Variants in SPTY2D1 observed in about 807,000 individuals in gnomAD.
SPTY2D1 encodes SPT2 chromatin protein domain containing 1.
Under a neutral mutation model 64.0 loss-of-function variants are expected in SPTY2D1, and 21 were observed. The ratio of observed to expected loss-of-function variants is 0.33; its 90% CI spans 0.23 to 0.47. The LOEUF is 0.47. SPTY2D1 is among the 20% of genes least tolerant of loss of function. The pLI, the probability that SPTY2D1 is intolerant of heterozygous loss-of-function variation, is 1.00. For synonymous variants in SPTY2D1, 287 were observed against 286.8 expected, an observed-to-expected ratio of 1.00 and a Z score of -0.01; for missense variants, 724 against 837.2, an observed-to-expected ratio of 0.86 and a Z score of 1.67.
intron 1 of SPTY2D1, among the ~76,000 whole-genome samples, chr11:18,617,392 G>GGAGGCA (rs200850936): frequency 0.014 from 2,104 of 152,054 alleles, 36 homozygotes; most frequent in African/African-American, 0.047. Flanking sequence ...TTTGGGAGGC[G>GGAGGCA]GAGGCGGGCG....
At chr11:18,627,606 C>T (rs1184266411) in intron 1 of SPTY2D1, among the ~76,000 whole-genome samples, 2 of 151,670 alleles carry the variant, frequency 1.3e-5, no homozygotes, top group Non-Finnish European at 2.9e-5. Context: ...TAGCCAGGCA[C>T]GGTGGCTCAC....
rs747593791 is a variant in SPTY2D1 at position 18,622,086 on chromosome 11, C to CAAAA, written c.61-5101_61-5098dup. On this transcript the variant is annotated intron_variant, in intron 1 of 5. Transcript: ENST00000336349. ...TGAACAACAGAGTAAGACCCTATCTCAAAAAAAAAAAAAAAAAACCAAAAC... is the reference window on the plus strand; with the variant it reads ...TGAACAACAGAGTAAGACCCTATCTCAAAAAAAAAAAAAAAAAAAAAACCAAAAC... Among the ~76,000 whole-genome samples the CAAAA allele has an allele frequency of 1.0e-3, 12 of 11,834 alleles. 2 individuals are homozygous for CAAAA. The highest frequency in any genetic ancestry group is 9.1e-3 in the East Asian group (2 of 220). The allele number at this position is 11,834 out of a possible 152,430, so 7.8% of individuals were successfully genotyped here.
intron 2 of SPTY2D1, among the ~76,000 whole-genome samples, chr11:18,616,465 G>A (rs1854301177): frequency 6.6e-6 from 1 of 152,110 alleles, no homozygotes; most frequent in Non-Finnish European, 1.5e-5. Flanking sequence ...AGAACTATTC[G>A]AAATAAAGAC....
At chr11:18,632,875 CT>C (rs1349780698) in intron 1 of SPTY2D1, among the ~76,000 whole-genome samples, 2 of 152,124 alleles carry the variant, frequency 1.3e-5, no homozygotes, top group Non-Finnish European at 2.9e-5. Context: ...TTGACCTTTA[CT>C]GAAATTCAAT....
intron 1 of SPTY2D1, among the ~76,000 whole-genome samples, chr11:18,622,029 G>A (rs1488456040): frequency 7.8e-6 from 1 of 127,460 alleles, no homozygotes; most frequent in Non-Finnish European, 1.6e-5. Flanking sequence ...CGAGGCTGCA[G>A]TGAGCCATGG....
chr11:18,628,564 C>T (rs901586624), intron 1 of SPTY2D1, among the ~76,000 whole-genome samples: 7 of 152,122 alleles, frequency 4.6e-5, no homozygotes, highest in Non-Finnish European at 7.4e-5. Context: ...AACTATCTGG[C>T]ACATAAGAGA....
intron 1 of SPTY2D1, among the ~76,000 whole-genome samples, chr11:18,619,009 T>G (rs559805369): frequency 1.3e-5 from 2 of 152,306 alleles, no homozygotes; most frequent in East Asian, 3.9e-4. Flanking sequence ...GTAAATTTAA[T>G]TTTAGACTCT....
At position 18,607,630 on chromosome 11, in the gene SPTY2D1, TAA is replaced by T. The variant is rs1360463753; in HGVS notation, c.*2229_*2230del. 1 of 152,516 alleles carries T rather than the reference TAA, an allele frequency of 6.6e-6. No homozygotes were observed. The highest frequency in any genetic ancestry group is 2.4e-5 in the African/African-American group (1 of 41,430). The allele number at this position is 152,516 out of a possible 1,614,324, so 9.4% of individuals were successfully genotyped here. On this transcript the variant is annotated 3_prime_UTR_variant, in exon 6 of 6. Coordinates refer to ENST00000336349, the MANE Select transcript of SPTY2D1 (RefSeq NM_194285.3). The stretch of plus-strand genomic sequence containing the variant: ...TCTTCAAAGGTTTGTGAGCTTTTTA[TAA>T]GAGTGGTCAGGAAGTGCAGAAAAAC...
At position 18,622,090 on chromosome 11, in the gene SPTY2D1, A is replaced by AG. The variant is rs1219554825; in HGVS notation, c.61-5102_61-5101insC. 3.4e-5 allele frequency among the ~76,000 whole-genome samples: 5 copies of AG among 146,050 alleles called. 1 individual carries two copies. Among genetic ancestry groups the AG allele is most frequent in the Non-Finnish European group, 7.5e-5 (5 of 66,522 alleles). ...CAACAGAGTAAGACCCTATCTCAAA[A>AG]AAAAAAAAAAAAAACCAAAACCAAA... On this transcript the variant is annotated intron_variant, in intron 1 of 5. Transcript: ENST00000336349.
intron 1 of SPTY2D1, among the ~76,000 whole-genome samples, chr11:18,631,602 CAAAAA>C (rs10617150): frequency 2.6e-5 from 3 of 116,328 alleles, no homozygotes; most frequent in South Asian, 2.7e-4. Flanking sequence ...AAATAGATAA[CAAAAA>C]AAAAAAAAAA....
In SPTY2D1 at chr11:18,615,007, T is replaced by C. The variant is rs367661545; in HGVS notation, c.1267A>G (p.Asn423Asp). Residue 423 changes from asparagine to aspartate, a missense_variant, in exon 3 of 6, where the codon AAT becomes GAT. By Grantham distance (23) the Asn-to-Asp change is conservative (BLOSUM62 1). Around this residue, in one of 3 missense-constraint regions of SPTY2D1, gnomAD observed 426 missense variants for 431.8 expected, o/e 0.99. Coordinates refer to ENST00000336349, the MANE Select transcript of SPTY2D1 (RefSeq NM_194285.3). ...SGSKKPTNDS[N>D]PSRRTVSGTC... Reference sequence around the variant, plus strand: ...CCACTGACTGTCCGCCTAGAGGGATTTGAGTCATTGGTTGGCTTCTTGGAC... The same window carrying C: ...CCACTGACTGTCCGCCTAGAGGGATCTGAGTCATTGGTTGGCTTCTTGGAC... 7.4e-5 allele frequency: 120 copies of C among 1,614,048 alleles called. No individual in the cohort carries two copies. The highest frequency in any genetic ancestry group is 9.6e-5 in the Non-Finnish European group (113 of 1,180,054).
chr11:18,621,323 C>CAGAAAAGAAAAGAAAAAAGAAA (rs1854392845), intron 1 of SPTY2D1, among the ~76,000 whole-genome samples: 1 of 137,540 alleles, frequency 7.3e-6, no homozygotes, highest in African/African-American at 2.8e-5. Context: ...TCTCAAAAAA[C>CAGAAAAGAAAAGAAAAAAGAAA]AGAAAAGAAA....
At chr11:18,624,867 G>A (rs890949572) in intron 1 of SPTY2D1, among the ~76,000 whole-genome samples, 19 of 152,072 alleles carry the variant, frequency 1.2e-4, no homozygotes, top group African/African-American at 3.6e-4. Flanking sequence ...GCGGGATGGC[G>A]CATTGCCTGT....
At chr11:18,624,685 G>A (rs969504532) in intron 1 of SPTY2D1, among the ~76,000 whole-genome samples, 1 of 152,184 alleles carries the variant, frequency 6.6e-6, no homozygotes, top group Non-Finnish European at 1.5e-5. Context: ...ACCGACTACT[G>A]TATGTTATGT....
chr11:18,617,137 A>G (rs1022239916), intron 1 of SPTY2D1, 148 bp from the exon 2 acceptor site: 2 of 619,084 alleles, frequency 3.2e-6, no homozygotes, highest in African/African-American at 1.8e-5. Flanking sequence ...CCCATAATAA[A>G]GCTTAGCTAT....
At chr11:18,611,255 C>G (rs1426870962) in intron 5 of SPTY2D1, among the ~76,000 whole-genome samples, 1 of 152,142 alleles carries the variant, frequency 6.6e-6, no homozygotes, top group African/African-American at 2.4e-5. Flanking sequence ...CTAGCCTGGT[C>G]AACATAGCGA....
At chr11:18,619,732 G>C (rs1854360837) in intron 1 of SPTY2D1, among the ~76,000 whole-genome samples, 1 of 152,076 alleles carries the variant, frequency 6.6e-6, no homozygotes, top group Admixed American at 6.6e-5. Context: ...ACTCCAGCCT[G>C]GTGACAGAGC....
intron 1 of SPTY2D1, among the ~76,000 whole-genome samples, chr11:18,623,396 T>C (rs1208385419): frequency 1.3e-5 from 2 of 152,240 alleles, no homozygotes; most frequent in Non-Finnish European, 2.9e-5. Flanking sequence ...ATTCTGTCTC[T>C]ATGCATTTAC....
chr11:18,616,732 GACACACACAC>G (rs72301459), intron 2 of SPTY2D1, 133 bp downstream of exon 2: 22 of 487,532 alleles, frequency 4.5e-5, no homozygotes, highest in South Asian at 7.9e-5. Flanking sequence ...AGTTAACCTG[GACACACACAC>G]ACACACACAC....
Sources: gnomAD v4.1 joint callset for allele counts (sites outside exome capture counted in the v4.1 genomes callset) on GRCh38, gnomAD v4.1.1 for gene constraint, gnomAD v4.1.1 regional missense constraint, MANE v1.5 for transcripts, NCBI Gene and HGNC (gene_info 2026-07-23, HGNC 2026-07-21) for gene names.